Variants in ROCK1 observed in about 807,000 individuals in gnomAD.
ROCK1 encodes the protein rho-associated protein kinase 1.
A neutral mutation model predicts 196.8 loss-of-function variants in ROCK1; 36 were observed. The ratio of observed to expected loss-of-function variants is 0.18; its 90% CI spans 0.14 to 0.24. ROCK1 has a LOEUF of 0.24. Ranked by LOEUF, ROCK1 falls within the 10% of genes least tolerant of loss-of-function variation. ROCK1 has a pLI of 1.00. For synonymous variants in ROCK1, 443 were observed against 515.9 expected, an observed-to-expected ratio of 0.86 and a Z score of 1.91; for missense variants, 920 against 1,562.0, an observed-to-expected ratio of 0.59 and a Z score of 6.93.
chr18:20,995,571 G>A (rs1277302262), intron 16 of ROCK1, among the ~76,000 whole-genome samples: 2 of 152,088 alleles, frequency 1.3e-5, no homozygotes, highest in Non-Finnish European at 2.9e-5. Flanking sequence ...GCCCTGAAGG[G>A]AGAGTCCCAA....
intron 9 of ROCK1, among the ~76,000 whole-genome samples, chr18:21,034,008 TG>T (rs1228710394): frequency 7.6e-6 from 1 of 132,118 alleles, no homozygotes; most frequent in Non-Finnish European, 1.5e-5. Flanking sequence ...TACTCCAGCC[TG>T]GGCGACAGAG....
At chr18:20,987,760 A>G (rs536798689) in intron 18 of ROCK1, among the ~76,000 whole-genome samples, 119 of 152,342 alleles carry the variant, frequency 7.8e-4, no homozygotes, top group African/African-American at 2.7e-3. Context: ...TCTAGGTGAC[A>G]AAATATAAAC....
chr18:21,107,538 AAAGGAGTT>A (rs1277177968), intron 1 of ROCK1, among the ~76,000 whole-genome samples: 1 of 152,206 alleles, frequency 6.6e-6, no homozygotes, highest in Non-Finnish European at 1.5e-5. Context: ...AACCAATGTA[AAAGGAGTT>A]TTGTTCCTAT....
intron 1 of ROCK1, among the ~76,000 whole-genome samples, chr18:21,093,076 G>A (rs533253538): frequency 1.3e-5 from 2 of 152,254 alleles, no homozygotes; most frequent in South Asian, 4.1e-4. Flanking sequence ...ATGCTCATCA[G>A]CACACCATTA....
At chr18:21,063,203 C>T (rs572433339) in intron 2 of ROCK1, among the ~76,000 whole-genome samples, 2 of 152,222 alleles carry the variant, frequency 1.3e-5, no homozygotes, top group Non-Finnish European at 2.9e-5. Flanking sequence ...CACTTCTTAA[C>T]GTCCCCACCT....
intron 10 of ROCK1, 101 bp from the exon 11 acceptor site, chr18:21,023,781 A>T: frequency 1.9e-6 from 1 of 522,214 alleles, no homozygotes; most frequent in Non-Finnish European, 3.4e-6. Flanking sequence ...ATGTTCAGTT[A>T]TAGTAACTTT....
intron 27 of ROCK1, among the ~76,000 whole-genome samples, chr18:20,965,718 T>G (rs1043445458): frequency 1.3e-5 from 2 of 152,266 alleles, no homozygotes; most frequent in African/African-American, 4.8e-5. Context: ...TACCTGCAAG[T>G]TTCTCAAGAG....
At chr18:21,054,647 G>C (rs373124208) in intron 2 of ROCK1, among the ~76,000 whole-genome samples, 2 of 152,110 alleles carry the variant, frequency 1.3e-5, no homozygotes, top group Admixed American at 1.3e-4. Context: ...ACGTCTCATC[G>C]CTAGACAGTT....
Position 20,947,821 on chromosome 18 carries a change from A to T in ROCK1, c.*3563T>A, listed in dbSNP as rs75122528. On this transcript the variant is annotated 3_prime_UTR_variant, in exon 33 of 33. Coordinates refer to ENST00000399799, the MANE Select transcript of ROCK1 (RefSeq NM_005406.3). ...TAGATTGTTTTTAAATTTATATGGGAATGCAACCAGGCGCGGTGGCTCATG... is the reference window on the plus strand; with the variant it reads ...TAGATTGTTTTTAAATTTATATGGGTATGCAACCAGGCGCGGTGGCTCATG... 0.32 allele frequency: 49,001 copies of T among 152,072 alleles called. 9,057 individuals carry two copies. Among genetic ancestry groups the T allele is most frequent in the Middle Eastern group, 0.47 (138 of 294 alleles). 9.4% of individuals were successfully genotyped at this position (152,072 alleles called of 1,614,324 possible).
In ROCK1 at chr18:20,981,319, G is replaced by A. The variant is rs9951807; in HGVS notation, c.2560-1315C>T. Among the ~76,000 whole-genome samples the A allele has an allele frequency of 9.4e-3, 1,433 of 151,726 alleles. 17 individuals are homozygous for A. The highest frequency in any genetic ancestry group is 0.033 in the African/African-American group (1,368 of 41,338). On this transcript the variant is annotated intron_variant, in intron 21 of 32. Transcript: ENST00000399799. Reference sequence around the variant, plus strand: ...TGAGGCAGGAGAATGGCGTGAACCCGGGAGGCAGAGCTTGCAGTGAGCCAA... The same window carrying A: ...TGAGGCAGGAGAATGGCGTGAACCCAGGAGGCAGAGCTTGCAGTGAGCCAA...
intron 9 of ROCK1, among the ~76,000 whole-genome samples, chr18:21,035,429 G>A (rs2036048433): frequency 6.6e-6 from 1 of 152,172 alleles, no homozygotes; most frequent in African/African-American, 2.4e-5. Flanking sequence ...GGAGGCTGAG[G>A]CAGGAGGATC....
At chr18:20,999,934 T>A (rs962585387) in intron 16 of ROCK1, among the ~76,000 whole-genome samples, 3 of 152,176 alleles carry the variant, frequency 2.0e-5, no homozygotes, top group Non-Finnish European at 4.4e-5. Flanking sequence ...GCTGGAAGAT[T>A]TAATATTGTT....
chr18:21,075,629 T>C (rs1022630484), intron 1 of ROCK1, among the ~76,000 whole-genome samples: 7 of 152,044 alleles, frequency 4.6e-5, no homozygotes, highest in African/African-American at 1.4e-4. Context: ...GACTGAAGAA[T>C]AGAACACTGG....
chr18:21,090,672 A>G (rs1598559483), intron 1 of ROCK1, among the ~76,000 whole-genome samples: 1 of 152,228 alleles, frequency 6.6e-6, no homozygotes, highest in South Asian at 2.1e-4. Flanking sequence ...CATGATGTCA[A>G]CCATCTTCAG....
At chr18:21,061,255 T>A (rs947342697) in intron 2 of ROCK1, among the ~76,000 whole-genome samples, 8 of 152,042 alleles carry the variant, frequency 5.3e-5, no homozygotes, top group Non-Finnish European at 1.0e-4. Flanking sequence ...ATTTTCGTAT[T>A]TTTTAATACA....
intron 1 of ROCK1, among the ~76,000 whole-genome samples, chr18:21,071,241 C>G (rs557534375): frequency 4.5e-4 from 64 of 140,794 alleles, no homozygotes; most frequent in Middle Eastern, 4.1e-3. Context: ...TGCAGTGGTG[C>G]AATGTTGGCT....
At chr18:20,959,102 ATTATATAT>A (rs1482743924) in intron 29 of ROCK1, among the ~76,000 whole-genome samples, 18 of 20,554 alleles carry the variant, frequency 8.8e-4, no homozygotes, top group African/African-American at 3.4e-3. Context: ...TAATATATAT[ATTATATAT>A]ATATTATATA....
At chr18:20,999,190 CATT>C (rs1232388920) in intron 16 of ROCK1, among the ~76,000 whole-genome samples, 1 of 151,864 alleles carries the variant, frequency 6.6e-6, no homozygotes, top group African/African-American at 2.4e-5. Context: ...GCTGAAATAT[CATT>C]GTTTTAGCAA....
At chr18:21,046,490 T>C (rs1403678315) in intron 4 of ROCK1, among the ~76,000 whole-genome samples, 1 of 152,174 alleles carries the variant, frequency 6.6e-6, no homozygotes, top group African/African-American at 2.4e-5. Flanking sequence ...AGAAAGCACT[T>C]AGTGCAACAG....
Sources: gnomAD v4.1 joint callset for allele counts (sites outside exome capture counted in the v4.1 genomes callset) on GRCh38, gnomAD v4.1.1 for gene constraint, MANE v1.5 for transcripts, NCBI Gene and HGNC (gene_info 2026-07-23, HGNC 2026-07-21) for gene names.